The following RANBP9 variants were observed in gnomAD, a reference collection of about 807,000 sequenced individuals.
The protein encoded by RANBP9 is RAN binding protein 9, also known as ran-binding protein 9.
In RANBP9, 15 loss-of-function variants were observed where a neutral mutation model predicts 84.3. That is an observed-to-expected ratio of 0.18 (90% CI 0.12 to 0.27). RANBP9 has a LOEUF of 0.27. Ranked by LOEUF, RANBP9 falls within the 10% of genes least tolerant of loss-of-function variation. The pLI is 1.00. For missense variants in RANBP9, 809 were observed against 912.8 expected, an observed-to-expected ratio of 0.89 and a Z score of 1.46; for synonymous variants, 392 against 349.6, an observed-to-expected ratio of 1.12 and a Z score of -1.35.
At chr6:13,676,417 A>AAAAT (rs1041824915) in intron 2 of RANBP9, among the ~76,000 whole-genome samples, 2 of 152,132 alleles carry the variant, frequency 1.3e-5, no homozygotes, top group African/African-American at 4.8e-5. Context: ...TCTTTTCCAG[A>AAAAT]AAATACACTC....
At chr6:13,680,577 CAAAAAT>C (rs553968347) in intron 2 of RANBP9, among the ~76,000 whole-genome samples, 2 of 151,620 alleles carry the variant, frequency 1.3e-5, no homozygotes, top group African/African-American at 2.4e-5. Context: ...CCTGTCCCAA[CAAAAAT>C]AAAAATAAAA....
At chr6:13,665,058 T>C (rs1316082478) in intron 2 of RANBP9, among the ~76,000 whole-genome samples, 1 of 152,128 alleles carries the variant, frequency 6.6e-6, no homozygotes, top group Non-Finnish European at 1.5e-5. Context: ...CTGACATCCA[T>C]GTGGAAAAAA....
intron 12 of RANBP9, among the ~76,000 whole-genome samples, chr6:13,628,573 C>T (rs1052960815): frequency 2.6e-5 from 4 of 152,150 alleles, no homozygotes; most frequent in African/African-American, 9.7e-5. Context: ...CACTATAAAA[C>T]ATGGCTTGGA....
In RANBP9 at chr6:13,659,242, C is replaced by CACA. The variant is rs1562308368; in HGVS notation, c.684-411_684-410insTGT. Among the ~76,000 whole-genome samples, 17 of 105,846 alleles carry CACA rather than the reference C, an allele frequency of 1.6e-4. No homozygotes were observed. In the East Asian group the frequency reaches 4.7e-3, roughly 29 times the overall value. 69.4% of individuals were successfully genotyped at this position (105,846 alleles called of 152,430 possible). A position where few individuals can be genotyped will look rare whatever the true frequency, so the allele number is the denominator to read the frequency against. ...AAGGGACACAGTACAAATTTAGACC[C>CACA]CACACACACACACATACACACACAC... On this transcript the variant is annotated intron_variant, in intron 2 of 13. Coordinates refer to ENST00000011619, the MANE Select transcript of RANBP9 (RefSeq NM_005493.3).
chr6:13,667,079 G>A (rs931522025), intron 2 of RANBP9, among the ~76,000 whole-genome samples: 4 of 152,130 alleles, frequency 2.6e-5, no homozygotes, highest in Admixed American at 2.0e-4. Flanking sequence ...TATTATTGTG[G>A]TACTATGTGT....
chr6:13,637,990 A>T lies in RANBP9; in HGVS notation c.1526-35T>A, dbSNP rs111451217. 2,163 of 1,554,902 alleles carry T rather than the reference A, an allele frequency of 1.4e-3. 26 individuals are homozygous for T. In the African/African-American group the frequency reaches 0.026, roughly 19 times the overall value. On this transcript the variant is annotated intron_variant, in intron 9 of 13. Coordinates refer to ENST00000011619, the MANE Select transcript of RANBP9 (RefSeq NM_005493.3). ...AAGATACCACGTAGAAACAGAAACA[A>T]ACACTAATTTATTAATACGGTTGTA...
chr6:13,706,694 TA>T (rs1172184147), intron 1 of RANBP9, among the ~76,000 whole-genome samples: 604 of 124,042 alleles, frequency 4.9e-3, no homozygotes, highest in Admixed American at 5.0e-3. Context: ...GACTCCATCT[TA>T]AAAAAAAAAA....
chr6:13,689,056 C>T lies in RANBP9; in HGVS notation c.683+7729G>A, dbSNP rs78835623. On this transcript the variant is annotated intron_variant, in intron 2 of 13. Transcript: ENST00000011619. ...AGTCCCAGCTACCTGGGAGGCTAAG[C>T]TGAAGCAGGAGGATCACTTAAGTAA... Among the ~76,000 whole-genome samples, 363 of 146,798 alleles carry T rather than the reference C, an allele frequency of 2.5e-3. 1 individual carries two copies. The highest frequency in any genetic ancestry group is 4.3e-3 in the Non-Finnish European group (290 of 67,296).
chr6:13,634,432 C>A lies in RANBP9; in HGVS notation c.1794G>T (p.Met598Ile), dbSNP rs1764881747. 6.2e-7 allele frequency: 1 copy of A among 1,613,066 alleles called. No individual in the cohort carries two copies. Among genetic ancestry groups the A allele is most frequent in the African/African-American group, 1.3e-5 (1 of 74,888 alleles). ...DHEMEDCDTE[M>I]EVDSSQLRRQ... ...AATGTAAGAAATATCACTGCAGACCCATTTCGGTGTCACAATCTTCCATTT... is the reference window on the plus strand; with the variant it reads ...AATGTAAGAAATATCACTGCAGACCAATTTCGGTGTCACAATCTTCCATTT... The change falls in exon 11 of 14, where the codon ATG becomes ATT. Residue 598 changes from methionine to isoleucine, a missense_variant and splice_region_variant. By Grantham distance (10) the Met-to-Ile change is conservative (BLOSUM62 1). Coordinates refer to ENST00000011619, the MANE Select transcript of RANBP9 (RefSeq NM_005493.3).
chr6:13,674,790 A>G (rs952308724), intron 2 of RANBP9, among the ~76,000 whole-genome samples: 8 of 152,320 alleles, frequency 5.3e-5, no homozygotes, highest in Non-Finnish European at 7.4e-5. Context: ...AAAAGCAGGG[A>G]GCCCTTTTCT....
intron 4 of RANBP9, among the ~76,000 whole-genome samples, chr6:13,654,788 CT>C (rs1765364194): frequency 6.6e-6 from 1 of 152,222 alleles, no homozygotes; most frequent in South Asian, 2.1e-4. Context: ...TTGGCCATAG[CT>C]TGTAGACTCC....
chr6:13,699,176 T>C (rs529073900), intron 1 of RANBP9, among the ~76,000 whole-genome samples: 256 of 152,276 alleles, frequency 1.7e-3, no homozygotes, highest in African/African-American at 5.9e-3. Flanking sequence ...TAGAAACATA[T>C]ATTAGATCCA....
chr6:13,705,396 G>A (rs1166771868), intron 1 of RANBP9, among the ~76,000 whole-genome samples: 1 of 86,270 alleles, frequency 1.2e-5, no homozygotes, highest in African/African-American at 4.7e-5. Context: ...GACAGAGCAA[G>A]ATTCTGTCTC....
At chr6:13,670,537 C>G (rs1405296797) in intron 2 of RANBP9, among the ~76,000 whole-genome samples, 1 of 152,136 alleles carries the variant, frequency 6.6e-6, no homozygotes, top group Non-Finnish European at 1.5e-5. Context: ...TGGCTCATGC[C>G]TGTAATCCCA....
intron 2 of RANBP9, among the ~76,000 whole-genome samples, chr6:13,667,631 T>C (rs1432062825): frequency 1.3e-5 from 2 of 152,170 alleles, no homozygotes; most frequent in Non-Finnish European, 2.9e-5. Flanking sequence ...CTATGTGATG[T>C]ATTTAGATAC....
chr6:13,647,012 G>A (rs1017172327), intron 5 of RANBP9, among the ~76,000 whole-genome samples: 2 of 152,160 alleles, frequency 1.3e-5, no homozygotes, highest in African/African-American at 4.8e-5. Flanking sequence ...ATTAAGACTT[G>A]AAAGGCTGAG....
At chr6:13,704,112 T>C (rs1173676085) in intron 1 of RANBP9, among the ~76,000 whole-genome samples, 7 of 152,204 alleles carry the variant, frequency 4.6e-5, no homozygotes, top group Admixed American at 4.6e-4. Context: ...TTCTCTGGCC[T>C]TACCACTGAC....
At chr6:13,697,171 A>C (rs1189898559) in intron 1 of RANBP9, among the ~76,000 whole-genome samples, 1 of 152,240 alleles carries the variant, frequency 6.6e-6, no homozygotes, top group African/African-American at 2.4e-5. Context: ...TGCAAATTAA[A>C]TAAAAGACAT....
intron 5 of RANBP9, among the ~76,000 whole-genome samples, chr6:13,650,165 TG>T (rs373259888): frequency 2.6e-5 from 4 of 151,078 alleles, no homozygotes; most frequent in African/African-American, 7.3e-5. Flanking sequence ...TGTGTTTTTT[TG>T]TTTTTTTTTT....
Sources: allele counts gnomAD v4.1 joint callset (sites outside exome capture counted in the v4.1 genomes callset), GRCh38; gene constraint gnomAD v4.1.1; transcripts MANE v1.5; gene names NCBI Gene and HGNC (gene_info 2026-07-23, HGNC 2026-07-21).